LOXHD1: variants seen among roughly 807,000 people sequenced by gnomAD.
LOXHD1 encodes lipoxygenase homology domain-containing protein 1.
In LOXHD1, 205 loss-of-function variants were observed where a neutral mutation model predicts 248.2. The ratio of observed to expected loss-of-function variants is 0.83; its 90% CI spans 0.74 to 0.93. The LOEUF (loss-of-function observed/expected upper bound fraction) is 0.93, where lower values mean the gene tolerates loss of function less well. LOXHD1 is among the 40% of genes least tolerant of loss of function. LOXHD1 has a pLI of 0.00. For missense variants in LOXHD1, 2,930 were observed against 2,971.6 expected (o/e 0.99, Z 0.33); for synonymous variants, 1,113 against 1,162.8 (o/e 0.96, Z 0.87).
intron 23 of LOXHD1, among the ~76,000 whole-genome samples, 160 bp from the exon 24 acceptor site, chr18:46,543,015 G>A (rs2036631512): frequency 6.6e-6 from 1 of 152,200 alleles, no homozygotes; most frequent in East Asian, 1.9e-4. Flanking sequence ...TGCACAGTGG[G>A]CATTTTAAAA....
chr18:46,505,175 C>A (rs1210031670), intron 37 of LOXHD1, among the ~76,000 whole-genome samples: 2 of 151,684 alleles, frequency 1.3e-5, no homozygotes, highest in Non-Finnish European at 2.9e-5. Flanking sequence ...AATAAACAAG[C>A]ATAATCCCTT....
rs727505104 is a variant in LOXHD1 at position 46,559,495 on chromosome 18, G to A, written c.3169C>T (p.Arg1057Ter). The A allele has an allele frequency of 3.7e-5, 57 of 1,551,802 alleles. No homozygotes were observed. Among genetic ancestry groups the A allele is most frequent in the Non-Finnish European group, 4.6e-5 (53 of 1,147,048 alleles). Residue 1057 changes from arginine to a stop codon, truncating the protein, a stop_gained, in exon 20 of 41, where the codon CGA becomes TGA. Transcript: ENST00000642948. LOFTEE classifies it high-confidence loss of function. ...YGEEYGDTGE[R>*]PLKKSDKSNK... is the part of the protein sequence containing the mutation. ...GACTTGTCTGACTTCTTCAGGGGTC[G>A]TTCGCCCGTGTCTCCATACTCCTCG...
intron 34 of LOXHD1, 49 bp from the exon 35 acceptor site, chr18:46,509,864 A>C: frequency 2.7e-6 from 1 of 375,198 alleles, no homozygotes; most frequent in Non-Finnish European, 5.1e-6. Context: ...GCCATTGGGG[A>C]GGGTTGGGGT....
In LOXHD1 at chr18:46,509,756, G is replaced by T; in HGVS notation, c.5459C>A (p.Thr1820Asn). The T allele has an allele frequency of 6.4e-7, 1 of 1,551,390 alleles. No homozygotes were observed. The highest frequency in any genetic ancestry group is 2.0e-5 in the Admixed American group (1 of 51,000). Residue 1820 changes from threonine (T) to asparagine (N), a missense_variant, in exon 35 of 41, where the codon ACC (threonine) becomes AAC (asparagine). Coordinates refer to ENST00000642948, the MANE Select transcript of LOXHD1 (RefSeq NM_001384474.1). Reference protein sequence around the residue: ...IMEILDIAPFTKMRIRIDGLG... With the variant: ...IMEILDIAPFNKMRIRIDGLG... Reference sequence around the variant, plus strand: ...GCCATCAATCCGGATCCGCATCTTGGTGAATGGAGCAATGTCTAGGATCTC... The same window carrying T: ...GCCATCAATCCGGATCCGCATCTTGTTGAATGGAGCAATGTCTAGGATCTC...
Position 46,538,235 on chromosome 18 carries a change from T to A in LOXHD1, c.4016A>T (p.Gln1339Leu). The A allele has an allele frequency of 6.4e-7, 1 of 1,550,710 alleles. No homozygotes were observed. Among genetic ancestry groups the A allele is most frequent in the Non-Finnish European group, 8.7e-7 (1 of 1,146,108 alleles). ...CTTGTTGGTACACAGATACTTCTGC[T>A]GGGTGCACACGGCATCGCAGCCATA... ...IIYGCDAVCT[Q>L]QKYLCTNKRE... The change falls in exon 26 of 41, where the codon CAG (glutamine) becomes CTG (leucine). Residue 1339 changes from glutamine to leucine, a missense_variant. Physicochemically the swap from Gln to Leu is moderately radical, Grantham distance 113. Transcript: ENST00000642948.
intron 8 of LOXHD1, among the ~76,000 whole-genome samples, chr18:46,598,572 G>C (rs1201000498): frequency 6.6e-6 from 1 of 151,372 alleles, no homozygotes; most frequent in Non-Finnish European, 1.5e-5. Context: ...AAGAATTATT[G>C]AGACATTATC....
chr18:46,490,697 A>G (rs187366667), intron 37 of LOXHD1, among the ~76,000 whole-genome samples: 1 of 151,986 alleles, frequency 6.6e-6, no homozygotes, highest in African/African-American at 2.4e-5. Flanking sequence ...CTGGTCTCGA[A>G]CTCCCGAACT....
chr18:46,485,609 T>G (rs2032987953), intron 38 of LOXHD1, among the ~76,000 whole-genome samples: 1 of 152,150 alleles, frequency 6.6e-6, no homozygotes, highest in African/African-American at 2.4e-5. Flanking sequence ...CATCTCACCC[T>G]GCTATTCACT....
Position 46,652,303 on chromosome 18 carries a change from G to A in LOXHD1, c.131-3034C>T, listed in dbSNP as rs117319555. On this transcript the variant is annotated intron_variant, in intron 1 of 40. Coordinates refer to ENST00000642948, the MANE Select transcript of LOXHD1 (RefSeq NM_001384474.1). Reference sequence around the variant, plus strand: ...AAATGGTCCATGAATTGATTTCCTAGTGGATGCAAGAATGTAGAACTCACC... The same window carrying A: ...AAATGGTCCATGAATTGATTTCCTAATGGATGCAAGAATGTAGAACTCACC... 1.6e-4 allele frequency among the ~76,000 whole-genome samples: 24 copies of A among 152,278 alleles called. No individual in the cohort carries two copies. The East Asian group carries it at 4.2e-3, about 27-fold the overall frequency.
intron 25 of LOXHD1, among the ~76,000 whole-genome samples, chr18:46,540,915 G>T (rs1892569290): frequency 6.6e-6 from 1 of 152,130 alleles, no homozygotes; most frequent in Non-Finnish European, 1.5e-5. Flanking sequence ...GTTCATTTCA[G>T]TTTATTGCTT....
Position 46,618,308 on chromosome 18 carries a change from G to GA in LOXHD1, c.512-19dup. The GA allele has an allele frequency of 6.6e-7, 1 of 1,520,934 alleles. No individual in the cohort carries two copies. The highest frequency in any genetic ancestry group is 8.9e-7 in the Non-Finnish European group (1 of 1,120,078). The allele number at this position is 1,520,934 out of a possible 1,614,324, so 94.2% of individuals were successfully genotyped here. A position where few individuals can be genotyped will look rare whatever the true frequency, so the allele number is the denominator to read the frequency against. On this transcript the variant is annotated intron_variant, in intron 4 of 40. Transcript: ENST00000642948. ...CTTATTACCTAGGAACAAGGAGAGA[G>GA]AAAAACCTTAGCTCATCAGGATCCT... is the stretch of plus-strand genomic sequence containing the variant.
At chr18:46,639,245 G>A (rs1006816838) in intron 4 of LOXHD1, among the ~76,000 whole-genome samples, 1 of 152,114 alleles carries the variant, frequency 6.6e-6, no homozygotes. Flanking sequence ...CTTGGGCATC[G>A]TAAGAAAAGA....
intron 21 of LOXHD1, among the ~76,000 whole-genome samples, chr18:46,553,917 G>C (rs1163707709): frequency 6.6e-6 from 1 of 152,168 alleles, no homozygotes; most frequent in Non-Finnish European, 1.5e-5. Context: ...CTTGAGGTGG[G>C]ACCATGTCTG....
intron 34 of LOXHD1, among the ~76,000 whole-genome samples, chr18:46,517,731 T>C (rs780262095): frequency 4.6e-5 from 7 of 152,148 alleles, no homozygotes. Context: ...ACAGAAAAGT[T>C]GCAAAAATAG....
At chr18:46,532,887 G>A (rs2036136015) in intron 28 of LOXHD1, among the ~76,000 whole-genome samples, 1 of 152,246 alleles carries the variant, frequency 6.6e-6, no homozygotes, top group Admixed American at 6.5e-5. Flanking sequence ...TTATCTGGAT[G>A]TATTATCCCA....
intron 12 of LOXHD1, among the ~76,000 whole-genome samples, chr18:46,581,576 T>G (rs559365153): frequency 6.6e-6 from 1 of 152,178 alleles, no homozygotes; most frequent in African/African-American, 2.4e-5. Flanking sequence ...TTTAAAGCCA[T>G]GGGATCAAAT....
At chr18:46,553,668 G>A (rs1156853036) in intron 21 of LOXHD1, among the ~76,000 whole-genome samples, 2 of 152,198 alleles carry the variant, frequency 1.3e-5, no homozygotes, top group African/African-American at 2.4e-5. Flanking sequence ...GGCCATTAAC[G>A]ACATGGAACT....
Position 46,639,646 on chromosome 18 carries a change from CCAG to C in LOXHD1, c.478_480del (p.Leu160del). 6.4e-7 allele frequency: 1 copy of C among 1,551,708 alleles called. No individual in the cohort carries two copies. On this transcript the variant is annotated inframe_deletion, in exon 4 of 41. Coordinates refer to ENST00000642948, the MANE Select transcript of LOXHD1 (RefSeq NM_001384474.1). Reference sequence around the variant, plus strand: ...GGCATGTCCATGGGGTTGAAGCTGGCCAGCAGGTCACGGCACCACTGGCGGTCA... The same window carrying C: ...GGCATGTCCATGGGGTTGAAGCTGGCCAGGTCACGGCACCACTGGCGGTCA...
chr18:46,520,815 A>T lies in LOXHD1; in HGVS notation c.5271+282T>A, dbSNP rs536537851. The T allele has an allele frequency of 6.7e-4, 275 of 408,948 alleles. 7 individuals carry two copies. The South Asian group carries it at 0.01, about 16-fold the overall frequency. 25.3% of individuals were successfully genotyped at this position (408,948 alleles called of 1,614,324 possible). ...TTCTCAACAAGACCATACATGGAAC[A>T]GGCCATGAGTAGCAGGGATGCATTA... On this transcript the variant is annotated intron_variant, in intron 33 of 40. Coordinates refer to ENST00000642948, the MANE Select transcript of LOXHD1 (RefSeq NM_001384474.1).
Sources: gnomAD v4.1 joint callset for allele counts (sites outside exome capture counted in the v4.1 genomes callset) on GRCh38, gnomAD v4.1.1 for gene constraint, MANE v1.5 for transcripts, NCBI Gene and HGNC (gene_info 2026-07-23, HGNC 2026-07-21) for gene names.